CSMD1: variants seen among roughly 807,000 people sequenced by gnomAD.
The protein encoded by CSMD1 is CUB and Sushi multiple domains 1, also known as CUB and sushi domain-containing protein 1.
CSMD1 carries 213 observed loss-of-function variants against 417.5 expected under a neutral mutation model. The ratio of observed to expected loss-of-function variants is 0.51; its 90% CI spans 0.46 to 0.57. CSMD1 has a LOEUF of 0.57. Ranked by LOEUF, CSMD1 falls within the 20% of genes least tolerant of loss-of-function variation. The pLI is 0.00. For synonymous variants in CSMD1, 2,862 were observed against 1,736.8 expected (o/e 1.65, Z -16.11); for missense variants, 6,923 against 4,529.7 (o/e 1.53, Z -15.17).
At chr8:3,365,486 G>C (rs932371049) in intron 20 of CSMD1, among the ~76,000 whole-genome samples, 1 of 152,060 alleles carries the variant, frequency 6.6e-6, no homozygotes, top group Non-Finnish European at 1.5e-5. Flanking sequence ...GAAAAATGTG[G>C]GTTTGAACTA....
chr8:4,419,890 G>A (rs758391699), intron 3 of CSMD1, 63 bp downstream of exon 3: 2 of 1,099,858 alleles, frequency 1.8e-6, no homozygotes, highest in East Asian at 2.6e-5. Context: ...TATTAATCCA[G>A]TGTAGCATGT....
At chr8:4,286,144 T>G (rs983744015) in intron 3 of CSMD1, among the ~76,000 whole-genome samples, 4 of 152,074 alleles carry the variant, frequency 2.6e-5, no homozygotes, top group Admixed American at 1.3e-4. Flanking sequence ...CGTTTTTACG[T>G]TCTTTCTGGT....
rs1810060668 is a variant in CSMD1 at position 3,372,873 on chromosome 8, G to C, written c.2783-3503C>G. On this transcript the variant is annotated intron_variant, in intron 18 of 69. Coordinates refer to ENST00000635120, the MANE Select transcript of CSMD1 (RefSeq NM_033225.6). Reference sequence around the variant, plus strand: ...GTGAATGTAGAAATAAGCTTCCATAGAGGGAACTAATGCCAGCGCACCGCG... The same window carrying C: ...GTGAATGTAGAAATAAGCTTCCATACAGGGAACTAATGCCAGCGCACCGCG... 2.0e-5 allele frequency among the ~76,000 whole-genome samples: 3 copies of C among 152,186 alleles called. No individual in the cohort carries two copies. In the South Asian group the frequency reaches 6.2e-4, roughly 32 times the overall value.
intron 3 of CSMD1, among the ~76,000 whole-genome samples, chr8:4,353,253 TAGTA>T (rs1329793179): frequency 6.6e-6 from 1 of 152,086 alleles, no homozygotes; most frequent in Non-Finnish European, 1.5e-5. Flanking sequence ...GTTCTTCTGG[TAGTA>T]AGTCTCAGGA....
At chr8:4,015,945 C>T (rs1183936518) in intron 4 of CSMD1, among the ~76,000 whole-genome samples, 1 of 152,142 alleles carries the variant, frequency 6.6e-6, no homozygotes, top group Non-Finnish European at 1.5e-5. Context: ...TTCAACTGCC[C>T]CCAAGAAGGT....
intron 3 of CSMD1, among the ~76,000 whole-genome samples, chr8:4,307,925 C>A (rs550133710): frequency 6.6e-6 from 1 of 152,088 alleles, no homozygotes; most frequent in Non-Finnish European, 1.5e-5. Context: ...AGAGGACCCC[C>A]GGATGCAAGG....
In CSMD1 at chr8:3,307,709, TG is replaced by T; in HGVS notation, c.3935del (p.Pro1312GlnfsTer34). 6.2e-7 allele frequency: 1 copy of T among 1,613,532 alleles called. No individual in the cohort carries two copies. Among genetic ancestry groups the T allele is most frequent in the Non-Finnish European group, 8.5e-7 (1 of 1,179,608 alleles). On this transcript the variant is annotated frameshift_variant, in exon 25 of 70. Transcript: ENST00000635120. LOFTEE classifies it high-confidence loss of function. ...LHCTWIIEADPGKTISLHFIV... is the reference protein window; with the variant it reads ...LHCTWIIEADXGKTISLHFIV... Reference sequence around the variant, plus strand: ...AAAACAAGTACCTAATGGTCTTTCCTGGGTCTGCCTCTATAATCCAGGTGCA... The same window carrying T: ...AAAACAAGTACCTAATGGTCTTTCCTGGTCTGCCTCTATAATCCAGGTGCA...
intron 3 of CSMD1, among the ~76,000 whole-genome samples, chr8:4,076,761 C>T (rs1220043905): frequency 6.6e-6 from 1 of 152,160 alleles, no homozygotes; most frequent in African/African-American, 2.4e-5. Flanking sequence ...AATGACCTCA[C>T]ATTTCAGGCT....
intron 3 of CSMD1, among the ~76,000 whole-genome samples, chr8:4,359,295 T>A (rs1801615930): frequency 1.3e-5 from 2 of 152,364 alleles, no homozygotes; most frequent in Admixed American, 1.3e-4. Flanking sequence ...TCTGTGTATA[T>A]ATGGCTGCAG....
intron 46 of CSMD1, 35 bp downstream of exon 46, chr8:3,106,493 A>G: frequency 7.8e-7 from 1 of 1,286,234 alleles, no homozygotes; most frequent in Non-Finnish European, 1.1e-6. Context: ...CATGTTGAAT[A>G]AGTTTATGTA....
chr8:3,686,128 A>T (rs1157955973), intron 7 of CSMD1, among the ~76,000 whole-genome samples: 1 of 152,136 alleles, frequency 6.6e-6, no homozygotes, highest in Non-Finnish European at 1.5e-5. Context: ...AAAGAAAAAA[A>T]AACTGTCTAT....
intron 2 of CSMD1, among the ~76,000 whole-genome samples, chr8:4,500,949 G>C (rs905287201): frequency 2.0e-5 from 3 of 151,978 alleles, no homozygotes. Context: ...GAGTACCCTT[G>C]TTTTTGACCC....
intron 1 of CSMD1, among the ~76,000 whole-genome samples, chr8:4,706,786 T>G (rs1440356471): frequency 1.3e-5 from 2 of 152,136 alleles, no homozygotes; most frequent in Non-Finnish European, 2.9e-5. Context: ...GAAGACGCAT[T>G]TGAGAAAGAC....
chr8:3,765,791 C>T (rs574153715), intron 5 of CSMD1, among the ~76,000 whole-genome samples: 1 of 152,272 alleles, frequency 6.6e-6, no homozygotes, highest in East Asian at 1.9e-4. Flanking sequence ...GCTCCAGAGT[C>T]CTACGGGTGG....
At chr8:4,355,595 C>T (rs1358456258) in intron 3 of CSMD1, among the ~76,000 whole-genome samples, 1 of 152,150 alleles carries the variant, frequency 6.6e-6, no homozygotes, top group Non-Finnish European at 1.5e-5. Context: ...CCAGAGTGTT[C>T]AGACAGAAGA....
intron 4 of CSMD1, among the ~76,000 whole-genome samples, chr8:4,025,860 T>A (rs1797037033): frequency 6.6e-6 from 1 of 152,190 alleles, no homozygotes; most frequent in Admixed American, 6.5e-5. Flanking sequence ...TTATACCTTT[T>A]TCTTTAAAGA....
chr8:3,529,897 A>G (rs532024898), intron 10 of CSMD1, among the ~76,000 whole-genome samples: 91 of 152,308 alleles, frequency 6.0e-4, no homozygotes, highest in Non-Finnish European at 1.0e-3. Context: ...CTGCTTATGG[A>G]AAGCCGAGGC....
At chr8:4,704,771 G>C (rs760210220) in intron 1 of CSMD1, among the ~76,000 whole-genome samples, 1 of 152,190 alleles carries the variant, frequency 6.6e-6, no homozygotes, top group African/African-American at 2.4e-5. Context: ...CGAGGCAGGA[G>C]AAAGGGAGTG....
At chr8:4,669,553 A>AT (rs920072373) in intron 1 of CSMD1, among the ~76,000 whole-genome samples, 16 of 152,068 alleles carry the variant, frequency 1.1e-4, no homozygotes, top group Non-Finnish European at 1.8e-4. Context: ...ATTTTCAGAG[A>AT]TTTTTTTACC....
Sources: gnomAD v4.1 joint callset for allele counts (sites outside exome capture counted in the v4.1 genomes callset) on GRCh38, gnomAD v4.1.1 for gene constraint, MANE v1.5 for transcripts, NCBI Gene and HGNC (gene_info 2026-07-23, HGNC 2026-07-21) for gene names.